The following SF3A3 variants were observed in gnomAD, a reference collection of about 807,000 sequenced individuals.
SF3A3 encodes the protein splicing factor 3a subunit 3.
Under a neutral mutation model 85.8 loss-of-function variants are expected in SF3A3, and 9 were observed. The observed-to-expected ratio is 0.10, with a 90% confidence interval of 0.06 to 0.18. The LOEUF (loss-of-function observed/expected upper bound fraction) is 0.18, where lower values mean the gene tolerates loss of function less well. SF3A3 is among the 10% of genes least tolerant of loss of function. The pLI is 1.00. For synonymous variants in SF3A3, 195 were observed against 204.4 expected (o/e 0.95, Z 0.39); for missense variants, 306 against 593.3 (o/e 0.52, Z 5.03).
intron 15 of SF3A3, among the ~76,000 whole-genome samples, chr1:37,964,061 C>T (rs1224393564): frequency 6.6e-6 from 1 of 151,578 alleles, no homozygotes; most frequent in Non-Finnish European, 1.5e-5. Context: ...CGCCTGTAGT[C>T]CCAGCTACTT....
chr1:37,969,621 T>C lies in SF3A3; in HGVS notation c.1120A>G (p.Asn374Asp). 6.2e-7 allele frequency: 1 copy of C among 1,614,152 alleles called. No individual in the cohort carries two copies. The change falls in exon 13 of 17, where the codon AAC becomes GAC. Residue 374 changes from asparagine (N) to aspartate (D), a missense_variant. By Grantham distance (23) the Asn-to-Asp change is conservative (BLOSUM62 1). Around this residue, in one of 4 missense-constraint regions of SF3A3, gnomAD observed 136 missense variants for 296.6 expected, o/e 0.46. Transcript: ENST00000373019. The part of the protein sequence containing the change: ...ISESESEDEE[N>D]EIIYNPKNLP... ...TTTTTGGGGTTGTAAATGATCTCGTTCTCTTCATCTTCACTCTCACTCTCA... is the reference window on the plus strand; with the variant it reads ...TTTTTGGGGTTGTAAATGATCTCGTCCTCTTCATCTTCACTCTCACTCTCA...
At chr1:37,973,353 G>A (rs1489178860) in intron 12 of SF3A3, among the ~76,000 whole-genome samples, 1 of 152,150 alleles carries the variant, frequency 6.6e-6, no homozygotes, top group Non-Finnish European at 1.5e-5. Flanking sequence ...CAAATCGGAT[G>A]TAATTACACT....
At chr1:37,986,920 T>C (rs1646461535) in intron 4 of SF3A3, among the ~76,000 whole-genome samples, 1 of 151,396 alleles carries the variant, frequency 6.6e-6, no homozygotes, top group African/African-American at 2.4e-5. Flanking sequence ...CAGGATAGCC[T>C]AGACCACAAT....
At chr1:37,964,212 G>A (rs1490389748) in intron 15 of SF3A3, among the ~76,000 whole-genome samples, 1 of 151,828 alleles carries the variant, frequency 6.6e-6, no homozygotes, top group Non-Finnish European at 1.5e-5. Context: ...AACTCTGTAT[G>A]GCTAAGAGAA....
intron 12 of SF3A3, among the ~76,000 whole-genome samples, chr1:37,972,089 A>C (rs1157773902): frequency 3.3e-5 from 5 of 152,238 alleles, no homozygotes; most frequent in African/African-American, 1.2e-4. Context: ...AGATGACATG[A>C]TTGTACATTT....
At chr1:37,980,527 G>A in intron 8 of SF3A3, 59 bp downstream of exon 8, 5 of 1,575,448 alleles carry the variant, frequency 3.2e-6, no homozygotes, top group Non-Finnish European at 3.5e-6. Flanking sequence ...TCAAGATAAA[G>A]GAAAATAATT....
At chr1:37,961,759 CAAAAAAAAAA>C (rs10699691) in intron 15 of SF3A3, among the ~76,000 whole-genome samples, 7 of 37,800 alleles carry the variant, frequency 1.9e-4, no homozygotes, top group Admixed American at 5.5e-4. Flanking sequence ...GCAAGACTGC[CAAAAAAAAAA>C]AAAAAAAAAA....
At chr1:37,978,241 A>C (rs1422977187) in intron 11 of SF3A3, among the ~76,000 whole-genome samples, 1 of 151,566 alleles carries the variant, frequency 6.6e-6, no homozygotes, top group African/African-American at 2.4e-5. Flanking sequence ...CAGGAGGCTG[A>C]GGCAGGAAAA....
At chr1:37,959,674 T>C (rs545984092) in intron 16 of SF3A3, among the ~76,000 whole-genome samples, 107 of 152,088 alleles carry the variant, frequency 7.0e-4, no homozygotes, top group South Asian at 4.8e-3. Flanking sequence ...ACCTCCCCAG[T>C]TCAAGTGATT....
chr1:37,968,202 T>C (rs1646315860), intron 14 of SF3A3, 68 bp from the exon 15 acceptor site: 1 of 911,728 alleles, frequency 1.1e-6, no homozygotes, highest in Non-Finnish European at 1.8e-6. Context: ...ACTAACTCCA[T>C]TCTACTCATA....
intron 7 of SF3A3, 66 bp downstream of exon 7, chr1:37,981,663 C>G: frequency 1.0e-6 from 1 of 1,000,970 alleles, no homozygotes; most frequent in South Asian, 1.3e-5. Context: ...CAGAACTTCA[C>G]CCTCAAAAAC....
intron 2 of SF3A3, among the ~76,000 whole-genome samples, chr1:37,988,879 G>A (rs867834842): frequency 1.7e-4 from 24 of 144,440 alleles, no homozygotes; most frequent in South Asian, 1.1e-3. Flanking sequence ...GTGTGTGTGT[G>A]TATATATATA....
intron 11 of SF3A3, among the ~76,000 whole-genome samples, chr1:37,977,533 C>G (rs1646386962): frequency 6.6e-6 from 1 of 152,010 alleles, no homozygotes. Context: ...GAAACCCTCT[C>G]TCTACTAAAA....
chr1:37,975,353 CA>C (rs1294601386), intron 12 of SF3A3, among the ~76,000 whole-genome samples: 2 of 151,824 alleles, frequency 1.3e-5, no homozygotes, highest in Non-Finnish European at 2.9e-5. Flanking sequence ...CTGTCTCTAC[CA>C]AAAATACAAA....
chr1:37,974,179 A>C (rs1157828323), intron 12 of SF3A3, among the ~76,000 whole-genome samples: 1 of 152,046 alleles, frequency 6.6e-6, no homozygotes, highest in African/African-American at 2.4e-5. Context: ...ATGTACACAT[A>C]TGTAACAAAC....
At chr1:37,986,606 T>C (rs1403806267) in intron 4 of SF3A3, among the ~76,000 whole-genome samples, 2 of 151,958 alleles carry the variant, frequency 1.3e-5, no homozygotes, top group South Asian at 4.1e-4. Flanking sequence ...GGTCAGGAGA[T>C]AGAGACTATC....
At chr1:37,982,511 C>T (rs1360138885) in intron 6 of SF3A3, among the ~76,000 whole-genome samples, 1 of 151,894 alleles carries the variant, frequency 6.6e-6, no homozygotes, top group Non-Finnish European at 1.5e-5. Flanking sequence ...ATTGGGATTA[C>T]AGGCATGAGC....
At chr1:37,965,154 C>T (rs1403944072) in intron 15 of SF3A3, among the ~76,000 whole-genome samples, 1 of 150,452 alleles carries the variant, frequency 6.6e-6, no homozygotes, top group East Asian at 2.0e-4. Context: ...AAGACTCTGT[C>T]TCAAAAAAAA....
intron 12 of SF3A3, among the ~76,000 whole-genome samples, chr1:37,974,523 C>T (rs372938161): frequency 1.1e-4 from 17 of 152,172 alleles, no homozygotes; most frequent in African/African-American, 4.1e-4. Flanking sequence ...AGGATGGTCT[C>T]GATCTCCTGA....
Sources: gnomAD v4.1 joint callset for allele counts (sites outside exome capture counted in the v4.1 genomes callset) on GRCh38, gnomAD v4.1.1 for gene constraint, gnomAD v4.1.1 regional missense constraint, MANE v1.5 for transcripts, NCBI Gene and HGNC (gene_info 2026-07-23, HGNC 2026-07-21) for gene names.